PRELID2: variants seen among roughly 807,000 people sequenced by gnomAD.
The protein encoded by PRELID2 is PRELI domain-containing protein 2.
In PRELID2, 25 loss-of-function variants were observed where a neutral mutation model predicts 28.4. The observed-to-expected ratio is 0.88, with a 90% CI of 0.64 to 1.23. PRELID2 has a LOEUF of 1.23. Ranked by LOEUF, PRELID2 falls within the 50% of genes most tolerant of loss-of-function variation. The probability of loss-of-function intolerance (pLI) is 0.00; values close to 1 mark genes in which losing one functional copy is unlikely to be tolerated. For synonymous variants in PRELID2, 76 were observed against 71.6 expected (o/e 1.06, Z -0.31); for missense variants, 201 against 214.4 (o/e 0.94, Z 0.39).
chr5:145,807,130 A>G (rs1168917409), intron 4 of PRELID2, among the ~76,000 whole-genome samples: 3 of 152,212 alleles, frequency 2.0e-5, no homozygotes, highest in African/African-American at 7.2e-5. Flanking sequence ...GCATCACGCT[A>G]TGATATTAAG....
At chr5:145,772,751 C>T (rs1228207005) in intron 5 of PRELID2, among the ~76,000 whole-genome samples, 1 of 152,194 alleles carries the variant, frequency 6.6e-6, no homozygotes, top group Non-Finnish European at 1.5e-5. Flanking sequence ...ATAGCAGGTA[C>T]ATAGCAAGAG....
chr5:145,385,158 C>A, the PRELID2 span, among the ~76,000 whole-genome samples: 10 of 152,246 alleles, frequency 6.6e-5, no homozygotes, highest in East Asian at 1.9e-4. Context: ...TGTTATACTG[C>A]ATGTAAAATG....
intron 1 of PRELID2, among the ~76,000 whole-genome samples, chr5:145,724,725 T>C (rs1581101564): frequency 1.5e-5 from 2 of 135,430 alleles, no homozygotes; most frequent in Admixed American, 8.2e-5. Context: ...ACATATATAA[T>C]ATATATAATA....
At chr5:145,376,134 C>G in the PRELID2 span, among the ~76,000 whole-genome samples, 1 of 152,084 alleles carries the variant, frequency 6.6e-6, no homozygotes, top group Non-Finnish European at 1.5e-5. Context: ...GAAGCCTTTT[C>G]TGCATGTATT....
chr5:145,764,411 C>A (rs1453978219), intron 6 of PRELID2, among the ~76,000 whole-genome samples: 1 of 152,200 alleles, frequency 6.6e-6, no homozygotes, highest in East Asian at 1.9e-4. Context: ...GGCACTCTTA[C>A]CCAGAGCCTG....
At chr5:145,352,076 T>C in the PRELID2 span, among the ~76,000 whole-genome samples, 25 of 152,158 alleles carry the variant, frequency 1.6e-4, no homozygotes, top group Non-Finnish European at 2.8e-4. Flanking sequence ...GTACATGGTG[T>C]AAGCCGTCAG....
At chr5:145,723,400 G>T (rs1756045249) in intron 1 of PRELID2, among the ~76,000 whole-genome samples, 2 of 152,144 alleles carry the variant, frequency 1.3e-5, no homozygotes, top group South Asian at 2.1e-4. Context: ...GTACAAAGGA[G>T]TAATTACATG....
At chr5:145,318,483 A>C in the PRELID2 span, among the ~76,000 whole-genome samples, 6 of 152,258 alleles carry the variant, frequency 3.9e-5, no homozygotes, top group African/African-American at 1.4e-4. Flanking sequence ...CAAGGTTAAT[A>C]ACATGCCTTC....
the PRELID2 span, among the ~76,000 whole-genome samples, chr5:145,230,932 T>C: frequency 6.6e-6 from 1 of 152,314 alleles, no homozygotes; most frequent in East Asian, 1.9e-4. Context: ...TTCATGACAA[T>C]GTAGCTGGCT....
At chr5:145,389,717 A>G in the PRELID2 span, among the ~76,000 whole-genome samples, 1 of 152,178 alleles carries the variant, frequency 6.6e-6, no homozygotes. Context: ...AAGAGAATAC[A>G]GTTATTGGAA....
the PRELID2 span, among the ~76,000 whole-genome samples, chr5:145,257,708 T>C: frequency 0.24 from 36,912 of 152,114 alleles, 5,492 homozygotes; most frequent in Non-Finnish European, 0.31. Flanking sequence ...AGAAGTAGAC[T>C]TCAAGATGAA....
chr5:145,470,106 T>G (rs1236785808), downstream of PRELID2, among the ~76,000 whole-genome samples: 2 of 152,112 alleles, frequency 1.3e-5, no homozygotes, highest in African/African-American at 4.8e-5. Context: ...ACACGAAGGG[T>G]GGGACAGTTG....
the PRELID2 span, among the ~76,000 whole-genome samples, chr5:145,318,515 A>T: frequency 1.3e-5 from 2 of 152,238 alleles, no homozygotes; most frequent in Non-Finnish European, 2.9e-5. Flanking sequence ...CAGTACTCAT[A>T]GATTCTTTGG....
At chr5:145,636,034 C>G (rs1034506674) in intron 1 of PRELID2, among the ~76,000 whole-genome samples, 1 of 152,190 alleles carries the variant, frequency 6.6e-6, no homozygotes, top group South Asian at 2.1e-4. Flanking sequence ...CCATTGAAGG[C>G]AACATGGTAG....
In PRELID2 at chr5:145,772,906, T is replaced by C. The variant is rs151128612; in HGVS notation, c.475-7906A>G. On this transcript the variant is annotated intron_variant, in intron 5 of 6. Transcript: ENST00000683046. ...TCTACAAACTGTTTTAAAGACAATG[T>C]TTTTTCAATTAGAAATAGCCTGATA... is the stretch of plus-strand genomic sequence containing the variant. 2.5e-3 allele frequency among the ~76,000 whole-genome samples: 380 copies of C among 152,350 alleles called. 3 individuals are homozygous for C. Among genetic ancestry groups the C allele is most frequent in the African/African-American group, 8.9e-3 (371 of 41,574 alleles).
the PRELID2 span, among the ~76,000 whole-genome samples, chr5:145,407,680 T>C: frequency 5.9e-5 from 9 of 152,150 alleles, no homozygotes; most frequent in Admixed American, 5.9e-4. Flanking sequence ...AGTCACCTCT[T>C]AGATGTAGGT....
At chr5:145,388,233 T>A in the PRELID2 span, among the ~76,000 whole-genome samples, 1 of 152,202 alleles carries the variant, frequency 6.6e-6, no homozygotes, top group East Asian at 1.9e-4. Flanking sequence ...TAGTATTATC[T>A]ATTTAAAACA....
chr5:145,548,110 A>G (rs1752803203), intron 1 of PRELID2, among the ~76,000 whole-genome samples: 1 of 152,346 alleles, frequency 6.6e-6, no homozygotes, highest in Non-Finnish European at 1.5e-5. Flanking sequence ...ACTGAGAATT[A>G]TAGGACAATA....
the PRELID2 span, among the ~76,000 whole-genome samples, chr5:145,316,017 T>C: frequency 2.6e-5 from 4 of 152,220 alleles, no homozygotes; most frequent in Non-Finnish European, 5.9e-5. Context: ...ATCTATATGA[T>C]GGAAATACTA....
Sources: allele counts gnomAD v4.1 joint callset (sites outside exome capture counted in the v4.1 genomes callset), GRCh38; gene constraint gnomAD v4.1.1; transcripts MANE v1.5; gene names NCBI Gene and HGNC (gene_info 2026-07-23, HGNC 2026-07-21).